COL28A1: variants seen among roughly 807,000 people sequenced by gnomAD.
COL28A1 encodes the protein collagen alpha-1(XXVIII) chain.
Under a neutral mutation model 150.2 loss-of-function variants are expected in COL28A1, and 161 were observed. The ratio of observed to expected loss-of-function variants is 1.07; its 90% CI spans 0.94 to 1.22. COL28A1 has a LOEUF of 1.22. COL28A1 is among the 50% of genes most tolerant of loss of function. The probability of loss-of-function intolerance (pLI) is 0.00; values close to 1 mark genes in which losing one functional copy is unlikely to be tolerated. For missense variants in COL28A1, 1,617 were observed against 1,388.3 expected (o/e 1.16, Z -2.62); for synonymous variants, 552 against 469.7 (o/e 1.18, Z -2.26).
Position 7,531,430 on chromosome 7 carries a change from C to T in COL28A1, c.599G>A (p.Arg200His), listed in dbSNP as rs185856586. 1.2e-4 allele frequency: 192 copies of T among 1,601,374 alleles called. No individual in the cohort carries two copies. The highest frequency in any genetic ancestry group is 6.6e-5 in the South Asian group (6 of 90,336). Residue 200 changes from arginine to histidine, a missense_variant, in exon 3 of 35, where the codon CGT becomes CAT. Arg to His is a conservative substitution (Grantham distance 29). Transcript: ENST00000399429. Reference sequence around the variant, plus strand: ...ACTGGATGAATCCCCAGAAATCAAACGAAGTTTGGCTTCATTGACTACCGT... The same window carrying T: ...ACTGGATGAATCCCCAGAAATCAAATGAAGTTTGGCTTCATTGACTACCGT... ...LSTVVNEAKL[R>H]LISGDSSSEP...
chr7:7,348,129 G>T, the COL28A1 span, among the ~76,000 whole-genome samples: 1 of 152,006 alleles, frequency 6.6e-6, no homozygotes, highest in Non-Finnish European at 1.5e-5. Flanking sequence ...AAAGGGGGAG[G>T]ATGATAACAG....
chr7:7,461,910 C>G (rs1484680711), intron 15 of COL28A1, among the ~76,000 whole-genome samples: 2 of 152,172 alleles, frequency 1.3e-5, no homozygotes, highest in Non-Finnish European at 2.9e-5. Flanking sequence ...CTTGAAAACA[C>G]CACCTCCCAG....
At chr7:7,398,248 T>C (rs145080597) in intron 27 of COL28A1, among the ~76,000 whole-genome samples, 2,861 of 152,268 alleles carry the variant, frequency 0.019, 29 homozygotes, top group Non-Finnish European at 0.028. Flanking sequence ...ATAATAAATA[T>C]CCAAATTGGC....
chr7:7,511,179 CATTCACT>C (rs1210709222), intron 8 of COL28A1, 44 bp from the exon 9 acceptor site: 1 of 1,399,828 alleles, frequency 7.1e-7, no homozygotes, highest in Non-Finnish European at 1.0e-6. Context: ...CACTTGCAGT[CATTCACT>C]ATTAAGAATG....
the COL28A1 span, among the ~76,000 whole-genome samples, chr7:7,341,431 G>C: frequency 6.6e-6 from 1 of 151,698 alleles, no homozygotes; most frequent in South Asian, 2.1e-4. Flanking sequence ...TAGAGACAAG[G>C]TCTTGCTCTG....
At chr7:7,386,271 CTCAG>C (rs1782175471) in intron 27 of COL28A1, among the ~76,000 whole-genome samples, 1 of 152,122 alleles carries the variant, frequency 6.6e-6, no homozygotes, top group Non-Finnish European at 1.5e-5. Context: ...GAAATGTTTT[CTCAG>C]TAAGGTGTGG....
intron 8 of COL28A1, among the ~76,000 whole-genome samples, chr7:7,514,365 A>G (rs1009808832): frequency 1.8e-4 from 27 of 152,214 alleles, no homozygotes; most frequent in African/African-American, 6.5e-4. Flanking sequence ...CACTCTGTAA[A>G]TTAGGCAGGC....
chr7:7,394,809 T>A (rs1480434107), intron 27 of COL28A1, among the ~76,000 whole-genome samples: 1 of 152,214 alleles, frequency 6.6e-6, no homozygotes, highest in Non-Finnish European at 1.5e-5. Flanking sequence ...CAAGGTTCCT[T>A]TGTCATCTCA....
chr7:7,453,432 A>G lies in COL28A1; in HGVS notation c.1440+8T>C, dbSNP rs1786875149. 4.4e-6 allele frequency: 5 copies of G among 1,134,552 alleles called. No homozygotes were observed. Among genetic ancestry groups the G allele is most frequent in the Non-Finnish European group, 6.7e-6 (5 of 741,746 alleles). The allele number at this position is 1,134,552 out of a possible 1,614,324, so 70.3% of individuals were successfully genotyped here. On this transcript the variant is annotated splice_region_variant and intron_variant, in intron 17 of 34. Transcript: ENST00000399429. The stretch of plus-strand genomic sequence containing the variant: ...TATATTAAACTCCGCTCTCATTTAC[A>G]AAGTTACCTTGGAACCAGGTAAGCC...
chr7:7,515,988 T>C, intron 7 of COL28A1, 148 bp from the exon 8 acceptor site: 1 of 553,194 alleles, frequency 1.8e-6, no homozygotes, highest in Non-Finnish European at 3.2e-6. Context: ...CTGTTCCACT[T>C]CTCTTTGTGC....
At chr7:7,530,496 T>A (rs1782288985) in intron 3 of COL28A1, among the ~76,000 whole-genome samples, 1 of 152,220 alleles carries the variant, frequency 6.6e-6, no homozygotes. Flanking sequence ...AGGACACCTT[T>A]GCCTTCCTTT....
chr7:7,440,765 GT>G (rs780019960), intron 21 of COL28A1, 24 bp downstream of exon 21: 2 of 1,043,896 alleles, frequency 1.9e-6, no homozygotes, highest in Middle Eastern at 2.0e-4. Context: ...TCCTCAAAGC[GT>G]AAGTCAGAAT....
intron 11 of COL28A1, among the ~76,000 whole-genome samples, chr7:7,498,501 G>A (rs1281785034): frequency 1.3e-5 from 2 of 152,138 alleles, no homozygotes; most frequent in Admixed American, 6.6e-5. Context: ...TGGGTACAGA[G>A]TTTATGTTGA....
intron 15 of COL28A1, among the ~76,000 whole-genome samples, chr7:7,460,715 A>G (rs1392159265): frequency 6.6e-6 from 1 of 152,202 alleles, no homozygotes; most frequent in East Asian, 1.9e-4. Flanking sequence ...TTTCTTTACT[A>G]AGAAGAAATG....
At chr7:7,511,911 C>T (rs1276650530) in intron 8 of COL28A1, 2 of 398,320 alleles carry the variant, frequency 5.0e-6, no homozygotes, top group African/African-American at 2.1e-5. Flanking sequence ...AATATTTTAT[C>T]TTAGTTAATC....
At chr7:7,392,976 G>A (rs1397044792) in intron 27 of COL28A1, among the ~76,000 whole-genome samples, 2 of 152,010 alleles carry the variant, frequency 1.3e-5, no homozygotes, top group Non-Finnish European at 2.9e-5. Flanking sequence ...GCCTACTTCT[G>A]TCAATTCGTT....
At position 7,380,790 on chromosome 7, in the gene COL28A1, C is replaced by G. The variant is rs753947243; in HGVS notation, c.2278G>C (p.Gly760Arg). The G allele has an allele frequency of 1.2e-6, 2 of 1,613,420 alleles. No homozygotes were observed. Among genetic ancestry groups the G allele is most frequent in the African/African-American group, 2.7e-5 (2 of 74,858 alleles). Residue 760 changes from glycine to arginine, a missense_variant, in exon 29 of 35, where the codon GGA becomes CGA. By Grantham distance (125) the Gly-to-Arg change is moderately radical (BLOSUM62 -2). Coordinates refer to ENST00000399429, the MANE Select transcript of COL28A1 (RefSeq NM_001037763.3). ...KGEIGEPGSPGKQGLQGPKGD... is the reference protein window; with the variant it reads ...KGEIGEPGSPRKQGLQGPKGD... Reference sequence around the variant, plus strand: ...CATTAAAAACTACTTGCCTGTTTTCCTGGAGATCCAGGCTCTCCAATTTCT... The same window carrying G: ...CATTAAAAACTACTTGCCTGTTTTCGTGGAGATCCAGGCTCTCCAATTTCT...
chr7:7,376,491 A>G (rs1022051280), intron 30 of COL28A1, among the ~76,000 whole-genome samples: 3 of 152,158 alleles, frequency 2.0e-5, no homozygotes, highest in Non-Finnish European at 4.4e-5. Context: ...TAAAAAGAAC[A>G]TCTACTGCAG....
At chr7:7,415,678 T>A (rs966226373) in intron 27 of COL28A1, among the ~76,000 whole-genome samples, 37 of 150,358 alleles carry the variant, frequency 2.5e-4, no homozygotes, top group Non-Finnish European at 1.0e-4. Context: ...AGATTACAGG[T>A]ACGCACCACC....
Sources: gnomAD v4.1 joint callset for allele counts (sites outside exome capture counted in the v4.1 genomes callset) on GRCh38, gnomAD v4.1.1 for gene constraint, MANE v1.5 for transcripts, NCBI Gene and HGNC (gene_info 2026-07-23, HGNC 2026-07-21) for gene names.